LINGO2: variants seen among roughly 807,000 people sequenced by gnomAD.
The protein encoded by LINGO2 is leucine rich repeat and Ig domain containing 2.
In LINGO2, 14 loss-of-function variants were observed where a neutral mutation model predicts 30.6. The observed-to-expected ratio is 0.46, with a 90% CI of 0.30 to 0.72. LINGO2 has a LOEUF of 0.72. Among genes scored for constraint, LINGO2 ranks in the 30% least tolerant of loss-of-function variants. LINGO2 has a pLI of 0.07. For synonymous variants in LINGO2, 317 were observed against 288.5 expected (o/e 1.10, Z -1.00); for missense variants, 729 against 751.7 (o/e 0.97, Z 0.35).
At chr9:28,223,397 C>T (rs1424599671) in intron 4 of LINGO2, among the ~76,000 whole-genome samples, 1 of 152,148 alleles carries the variant, frequency 6.6e-6, no homozygotes, top group African/African-American at 2.4e-5. Context: ...GCCTCTTTTA[C>T]AATGGCCTAA....
chr9:28,740,575 A>C, the LINGO2 span, among the ~76,000 whole-genome samples: 1 of 82,188 alleles, frequency 1.2e-5, no homozygotes, highest in African/African-American at 4.5e-5. Context: ...TGTTTGTCTC[A>C]AAATCTTTTT....
intron 4 of LINGO2, among the ~76,000 whole-genome samples, chr9:28,198,416 G>A (rs1431274552): frequency 6.6e-6 from 1 of 152,118 alleles, no homozygotes; most frequent in African/African-American, 2.4e-5. Flanking sequence ...AAGAGTTTGT[G>A]TCAAGGGAGA....
At chr9:28,364,040 C>T (rs1000234897) in intron 3 of LINGO2, among the ~76,000 whole-genome samples, 2 of 151,764 alleles carry the variant, frequency 1.3e-5, no homozygotes, top group Non-Finnish European at 2.9e-5. Flanking sequence ...GGCTGTTACC[C>T]CTGGTAGTCA....
At chr9:27,970,339 C>T (rs558063203) in intron 5 of LINGO2, among the ~76,000 whole-genome samples, 1 of 152,208 alleles carries the variant, frequency 6.6e-6, no homozygotes, top group African/African-American at 2.4e-5. Context: ...GTTATAAATA[C>T]TCTTGTCTCA....
chr9:28,117,398 A>G (rs1383695854), intron 4 of LINGO2, among the ~76,000 whole-genome samples: 2 of 119,246 alleles, frequency 1.7e-5, no homozygotes, highest in East Asian at 2.5e-4. Context: ...GGTGGAGCCT[A>G]CAGAGGCAGG....
At chr9:28,848,221 C>T in the LINGO2 span, among the ~76,000 whole-genome samples, 17 of 80,936 alleles carry the variant, frequency 2.1e-4, 1 homozygote, top group East Asian at 6.3e-4. Context: ...ACTATATATA[C>T]GCATAGTGTA....
At chr9:28,443,912 G>A (rs1440717118) in intron 2 of LINGO2, among the ~76,000 whole-genome samples, 1 of 152,122 alleles carries the variant, frequency 6.6e-6, no homozygotes, top group East Asian at 1.9e-4. Context: ...GTTCCAGGTG[G>A]AGTCCATGAC....
intron 1 of LINGO2, among the ~76,000 whole-genome samples, chr9:28,628,565 T>C (rs1161800997): frequency 1.3e-5 from 2 of 152,084 alleles, no homozygotes; most frequent in African/African-American, 2.4e-5. Context: ...GGCTTTTATT[T>C]TGGGGGCAAG....
chr9:28,769,500 ATATATATATATATATATATTTTT>A, the LINGO2 span, among the ~76,000 whole-genome samples: 2 of 5,516 alleles, frequency 3.6e-4, no homozygotes, highest in African/African-American at 1.3e-3. Flanking sequence ...ATATATATAT[ATATATATATATATATATATTTTT>A]TTTTTTTTTT....
At chr9:28,239,794 C>A (rs1372657665) in intron 4 of LINGO2, among the ~76,000 whole-genome samples, 2 of 151,928 alleles carry the variant, frequency 1.3e-5, no homozygotes, top group Non-Finnish European at 2.9e-5. Context: ...AGCAATTAGA[C>A]AAGAGAAAGA....
the LINGO2 span, among the ~76,000 whole-genome samples, chr9:28,915,692 G>C: frequency 1.8e-3 from 270 of 152,242 alleles, no homozygotes; most frequent in Non-Finnish European, 2.4e-3. Context: ...CTTTATCAGT[G>C]AATCACATAG....
At chr9:28,608,056 A>G (rs979814912) in intron 1 of LINGO2, among the ~76,000 whole-genome samples, 2 of 152,054 alleles carry the variant, frequency 1.3e-5, no homozygotes, top group African/African-American at 4.8e-5. Context: ...ACACTCATCA[A>G]ATTAGAAATA....
intron 5 of LINGO2, among the ~76,000 whole-genome samples, chr9:27,952,110 T>C (rs1401613429): frequency 6.6e-6 from 1 of 151,990 alleles, no homozygotes; most frequent in Non-Finnish European, 1.5e-5. Context: ...TGGAAACCAA[T>C]GGAAATCAAC....
At chr9:28,422,174 C>T (rs913080557) in intron 2 of LINGO2, among the ~76,000 whole-genome samples, 15 of 151,890 alleles carry the variant, frequency 9.9e-5, no homozygotes, top group Non-Finnish European at 1.9e-4. Context: ...AAATGGAATT[C>T]TATCAAAATT....
At chr9:28,742,920 T>G in the LINGO2 span, among the ~76,000 whole-genome samples, 696 of 152,096 alleles carry the variant, frequency 4.6e-3, 10 homozygotes, top group African/African-American at 0.016. Flanking sequence ...ATATATTTTA[T>G]GCAATTCTTT....
chr9:28,945,076 A>G, the LINGO2 span, among the ~76,000 whole-genome samples: 1 of 152,158 alleles, frequency 6.6e-6, no homozygotes, highest in African/African-American at 2.4e-5. Flanking sequence ...TTTCATGATT[A>G]GAAAATTAAA....
At chr9:28,674,983 A>G (rs1230719750), upstream of LINGO2, among the ~76,000 whole-genome samples, 1 of 152,114 alleles carries the variant, frequency 6.6e-6, no homozygotes, top group Non-Finnish European at 1.5e-5. Flanking sequence ...TAGACCAAAT[A>G]TTTTGAATTG....
the LINGO2 span, among the ~76,000 whole-genome samples, chr9:28,725,146 A>G: frequency 3.3e-5 from 5 of 152,078 alleles, no homozygotes; most frequent in African/African-American, 1.2e-4. Context: ...TTACTTGCTC[A>G]AGGAAATAAA....
intron 2 of LINGO2, among the ~76,000 whole-genome samples, chr9:28,407,273 AG>A (rs1822552760): frequency 6.6e-6 from 1 of 151,434 alleles, no homozygotes; most frequent in African/African-American, 2.4e-5. Context: ...GAGAAAAAAA[AG>A]ATAGAAAAAT....
Sources: gnomAD v4.1 joint callset for allele counts (sites outside exome capture counted in the v4.1 genomes callset) on GRCh38, gnomAD v4.1.1 for gene constraint, MANE v1.5 for transcripts, NCBI Gene and HGNC (gene_info 2026-07-23, HGNC 2026-07-21) for gene names.